The following LHFPL3 variants were observed in gnomAD, a reference collection of about 807,000 sequenced individuals.
The protein encoded by LHFPL3 is LHFPL tetraspan subfamily member 3.
In LHFPL3, 5 loss-of-function variants were observed where a neutral mutation model predicts 19.3. The observed-to-expected ratio is 0.26, with a 90% CI of 0.14 to 0.54. LHFPL3 has a LOEUF of 0.54. Ranked by LOEUF, LHFPL3 falls within the 20% of genes least tolerant of loss-of-function variation. The pLI is 0.94. For missense variants in LHFPL3, 249 were observed against 307.4 expected (o/e 0.81, Z 1.42); for synonymous variants, 133 against 126.2 (o/e 1.05, Z -0.36).
At chr7:104,329,277 G>A (rs778470879) in intron 1 of LHFPL3, 53 bp downstream of exon 1, 7 of 1,541,786 alleles carry the variant, frequency 4.5e-6, no homozygotes, top group South Asian at 2.5e-5. Flanking sequence ...CGCCCGAGCC[G>A]GGGAGGGGCC....
intron 2 of LHFPL3, among the ~76,000 whole-genome samples, chr7:104,737,785 C>G (rs1274499323): frequency 1.3e-5 from 2 of 152,056 alleles, no homozygotes; most frequent in African/African-American, 4.8e-5. Flanking sequence ...TGAGTGGCTC[C>G]TTCTTCTAGC....
intron 1 of LHFPL3, among the ~76,000 whole-genome samples, chr7:104,458,144 C>T (rs1383801708): frequency 2.0e-5 from 3 of 151,730 alleles, no homozygotes; most frequent in African/African-American, 7.3e-5. Context: ...TCAATTTTGT[C>T]TTTTGTTGCC....
Position 104,890,169 on chromosome 7 carries a change from T to C in LHFPL3, c.683-16018T>C, listed in dbSNP as rs79566820. Among the ~76,000 whole-genome samples the C allele has an allele frequency of 2.6e-3, 400 of 152,292 alleles. 10 individuals are homozygous for C. The East Asian group carries it at 0.035, about 13-fold the overall frequency. On this transcript the variant is annotated intron_variant, in intron 2 of 2. Transcript: ENST00000424859. ...AAAATAACAAATTAGCCAGGCTTCA[T>C]GGCACTCACTTATAGTCTAGCTACT...
At chr7:104,640,759 T>A (rs1282327013) in intron 1 of LHFPL3, among the ~76,000 whole-genome samples, 2 of 152,170 alleles carry the variant, frequency 1.3e-5, no homozygotes, top group Admixed American at 1.3e-4. Context: ...TTTACATGAG[T>A]TGCAGTAAGT....
intron 2 of LHFPL3, among the ~76,000 whole-genome samples, chr7:104,753,074 T>A (rs561972333): frequency 6.6e-6 from 1 of 152,356 alleles, no homozygotes; most frequent in Admixed American, 6.5e-5. Context: ...TGCAATGCAA[T>A]TAATTTGAGG....
Position 104,424,745 on chromosome 7 carries a change from A to G in LHFPL3, c.445+95521A>G, listed in dbSNP as rs1173349992. ...GGTGGCTCACGCCTGTAATCCCAGC[A>G]CTTTGGGAGGCCAAGGCAGGCAGAT... On this transcript the variant is annotated intron_variant, in intron 1 of 2. Coordinates refer to ENST00000424859, the MANE Select transcript of LHFPL3 (RefSeq NM_199000.3). Among the ~76,000 whole-genome samples the G allele has an allele frequency of 2.6e-5, 4 of 152,096 alleles. No individual in the cohort carries two copies. The East Asian group carries it at 5.8e-4, about 22-fold the overall frequency.
intron 2 of LHFPL3, among the ~76,000 whole-genome samples, chr7:104,841,252 T>C (rs571307748): frequency 4.3e-4 from 65 of 152,302 alleles, no homozygotes; most frequent in African/African-American, 1.5e-3. Flanking sequence ...AGGGATCATT[T>C]TCAGGGGTCA....
At chr7:104,370,516 G>A (rs1790591609) in intron 1 of LHFPL3, among the ~76,000 whole-genome samples, 1 of 152,156 alleles carries the variant, frequency 6.6e-6, no homozygotes, top group Admixed American at 6.5e-5. Context: ...AGTACTGGAG[G>A]GGTGGGTTTG....
At chr7:104,387,768 G>A (rs1790978097) in intron 1 of LHFPL3, among the ~76,000 whole-genome samples, 1 of 152,144 alleles carries the variant, frequency 6.6e-6, no homozygotes, top group South Asian at 2.1e-4. Context: ...GTACATTAGA[G>A]TCAAACTATT....
At chr7:104,449,143 G>A (rs903912840) in intron 1 of LHFPL3, among the ~76,000 whole-genome samples, 2 of 152,164 alleles carry the variant, frequency 1.3e-5, no homozygotes, top group East Asian at 1.9e-4. Context: ...AGAATTCTGC[G>A]GAGACAGTGG....
At chr7:104,697,842 T>C (rs1793026661) in intron 1 of LHFPL3, among the ~76,000 whole-genome samples, 1 of 152,228 alleles carries the variant, frequency 6.6e-6, no homozygotes, top group Non-Finnish European at 1.5e-5. Flanking sequence ...ACTCAGGTAA[T>C]GGATTAGCAT....
intron 1 of LHFPL3, among the ~76,000 whole-genome samples, chr7:104,716,339 C>A: frequency 6.7e-6 from 1 of 150,278 alleles, no homozygotes; most frequent in East Asian, 1.9e-4. Flanking sequence ...GAGACTCCAT[C>A]TCCAAAAAAA....
At chr7:104,420,939 G>A (rs1791721003) in intron 1 of LHFPL3, among the ~76,000 whole-genome samples, 1 of 152,158 alleles carries the variant, frequency 6.6e-6, no homozygotes, top group Non-Finnish European at 1.5e-5. Context: ...TGGGAAAGCA[G>A]AGAAAAGGAT....
At chr7:104,732,371 G>A (rs1021320271) in intron 1 of LHFPL3, among the ~76,000 whole-genome samples, 18 of 152,100 alleles carry the variant, frequency 1.2e-4, no homozygotes, top group African/African-American at 3.4e-4. Context: ...TTTTTGGTTG[G>A]TAAGCTATTA....
chr7:104,387,497 T>C (rs1326430911), intron 1 of LHFPL3, among the ~76,000 whole-genome samples: 1 of 152,168 alleles, frequency 6.6e-6, no homozygotes, highest in Non-Finnish European at 1.5e-5. Context: ...TCATTCAGGA[T>C]TATCTAGTCT....
At chr7:104,888,533 G>C (rs896702808) in intron 2 of LHFPL3, among the ~76,000 whole-genome samples, 2 of 152,120 alleles carry the variant, frequency 1.3e-5, no homozygotes, top group South Asian at 4.1e-4. Flanking sequence ...CTTTTAAAAA[G>C]AGATATATAA....
intron 1 of LHFPL3, among the ~76,000 whole-genome samples, chr7:104,333,930 C>T (rs914646920): frequency 2.6e-5 from 4 of 152,198 alleles, no homozygotes; most frequent in Admixed American, 2.0e-4. Context: ...GTGACACTTA[C>T]GGACTGTGTG....
chr7:104,619,644 T>A (rs993267554), intron 1 of LHFPL3, among the ~76,000 whole-genome samples: 2 of 152,156 alleles, frequency 1.3e-5, no homozygotes, highest in African/African-American at 4.8e-5. Context: ...TGCTTATAGT[T>A]TATTCCTTTA....
At chr7:104,846,478 A>G (rs1791314782) in intron 2 of LHFPL3, among the ~76,000 whole-genome samples, 1 of 152,162 alleles carries the variant, frequency 6.6e-6, no homozygotes, top group African/African-American at 2.4e-5. Flanking sequence ...GACCCAACCC[A>G]TCGTTTAGAA....
Sources: allele counts gnomAD v4.1 joint callset (sites outside exome capture counted in the v4.1 genomes callset), GRCh38; gene constraint gnomAD v4.1.1; transcripts MANE v1.5; gene names NCBI Gene and HGNC (gene_info 2026-07-23, HGNC 2026-07-21).